Variants in PKHD1L1 observed in about 807,000 individuals in gnomAD.
PKHD1L1 encodes PKHD1 like 1, also known as fibrocystin-L.
A neutral mutation model predicts 462.9 loss-of-function variants in PKHD1L1; 434 were observed. The ratio of observed to expected loss-of-function variants is 0.94; its 90% CI spans 0.87 to 1.02. The LOEUF (loss-of-function observed/expected upper bound fraction) is 1.02. Ranked by LOEUF, PKHD1L1 falls within the 50% of genes least tolerant of loss-of-function variation. The pLI, the probability that PKHD1L1 is intolerant of heterozygous loss-of-function variation, is 0.00. For synonymous variants in PKHD1L1, 1,781 were observed against 1,750.0 expected (o/e 1.02, Z -0.44); for missense variants, 5,202 against 5,096.1 (o/e 1.02, Z -0.63).
intron 27 of PKHD1L1, among the ~76,000 whole-genome samples, chr8:109,430,609 A>G (rs1488848001): frequency 6.6e-6 from 1 of 152,190 alleles, no homozygotes; most frequent in East Asian, 1.9e-4. Flanking sequence ...TGTCTGAGCA[A>G]CTAAGGACTG....
At chr8:109,438,501 A>G in intron 31 of PKHD1L1, 45 bp downstream of exon 31, 1 of 1,478,846 alleles carries the variant, frequency 6.8e-7, no homozygotes, top group Non-Finnish European at 9.0e-7. Context: ...CTATGTATAA[A>G]AAACATTTCT....
At position 109,470,180 on chromosome 8, in the gene PKHD1L1, A is replaced by G. The variant is rs113680045; in HGVS notation, c.8605+3411A>G. 366 of 734,604 alleles carry G rather than the reference A, an allele frequency of 5.0e-4. 2 individuals carry two copies. The highest frequency in any genetic ancestry group is 7.0e-4 in the Non-Finnish European group (312 of 442,674). 45.5% of individuals were successfully genotyped at this position (734,604 alleles called of 1,614,324 possible). A position where few individuals can be genotyped will look rare whatever the true frequency, so the allele number is the denominator to read the frequency against. The stretch of plus-strand genomic sequence containing the variant: ...AAATATTTGGATGAAGATTGGGAAA[A>G]GTATCTGGAGGATCCTGCTTTTGAT... On this transcript the variant is annotated intron_variant, in intron 50 of 77. Coordinates refer to ENST00000378402, the MANE Select transcript of PKHD1L1 (RefSeq NM_177531.6).
At chr8:109,491,833 T>A in intron 61 of PKHD1L1, 40 bp from the exon 62 acceptor site, 1 of 1,516,836 alleles carries the variant, frequency 6.6e-7, no homozygotes, top group Non-Finnish European at 9.0e-7. Context: ...TGACTTATGT[T>A]TTTTGGGGAT....
In PKHD1L1 at chr8:109,445,448, A is replaced by G; in HGVS notation, c.5579A>G (p.Asn1860Ser). ...VITGNGFYPGNTTVTIGDEPC... is the reference protein window; with the variant it reads ...VITGNGFYPGSTTVTIGDEPC... ...ACAGGAAATGGCTTCTATCCAGGCAACACTACAGTCACTATTGGGGATGAA... is the reference window on the plus strand; with the variant it reads ...ACAGGAAATGGCTTCTATCCAGGCAGCACTACAGTCACTATTGGGGATGAA... The change falls in exon 38 of 78, where the codon AAC becomes AGC. Residue 1860 changes from asparagine to serine, a missense_variant. By Grantham distance (46) the Asn-to-Ser change is conservative. This residue lies in a region of PKHD1L1 where 4,497 missense variants were observed against 4,336.8 expected (regional missense o/e 1.04). Transcript: ENST00000378402. The G allele has an allele frequency of 1.9e-6, 3 of 1,613,992 alleles. No homozygotes were observed. The highest frequency in any genetic ancestry group is 1.1e-5 in the South Asian group (1 of 91,084).
Position 109,381,486 on chromosome 8 carries a change from C to A in PKHD1L1, c.280C>A (p.His94Asn). ...ITCDVEKDAS[H>N]STQITCYTRA... Reference sequence around the variant, plus strand: ...TTGTGATGTAGAAAAAGATGCAAGTCATTCAACTCAAATTACATGCTATAC... The same window carrying A: ...TTGTGATGTAGAAAAAGATGCAAGTAATTCAACTCAAATTACATGCTATAC... Residue 94 changes from histidine to asparagine, a missense_variant, in exon 3 of 78, where the codon CAT becomes AAT. His to Asn is a moderately conservative substitution (Grantham distance 68). This residue lies in a region of PKHD1L1 where 4,497 missense variants were observed against 4,336.8 expected (regional missense o/e 1.04). Coordinates refer to ENST00000378402, the MANE Select transcript of PKHD1L1 (RefSeq NM_177531.6). 6.3e-7 allele frequency: 1 copy of A among 1,580,096 alleles called. No individual in the cohort carries two copies. The highest frequency in any genetic ancestry group is 1.1e-5 in the South Asian group (1 of 86,988).
chr8:109,434,741 T>C (rs1362591375), intron 28 of PKHD1L1, among the ~76,000 whole-genome samples: 1 of 152,216 alleles, frequency 6.6e-6, no homozygotes, highest in Non-Finnish European at 1.5e-5. Flanking sequence ...AGTGCCGGGA[T>C]TACAGGCGTG....
chr8:109,456,405 T>G lies in PKHD1L1; in HGVS notation c.7004+14T>G. The G allele has an allele frequency of 6.3e-7, 1 of 1,590,124 alleles. No homozygotes were observed. The highest frequency in any genetic ancestry group is 8.6e-7 in the Non-Finnish European group (1 of 1,168,304). ...CACAGGACACAGGTATGATATCTTC[T>G]GGGCTTAATGATGTGTATTTAGAAA... On this transcript the variant is annotated intron_variant, in intron 46 of 77. Coordinates refer to ENST00000378402, the MANE Select transcript of PKHD1L1 (RefSeq NM_177531.6).
chr8:109,448,439 A>C, intron 39 of PKHD1L1, 48 bp downstream of exon 39: 14 of 1,508,018 alleles, frequency 9.3e-6, no homozygotes, highest in Non-Finnish European at 1.2e-5. Context: ...TTCAGTAAAC[A>C]CTTATTTAGA....
chr8:109,434,893 TA>T lies in PKHD1L1; in HGVS notation c.3341-290del, dbSNP rs560806003. The stretch of plus-strand genomic sequence containing the variant: ...TGAGCTTATAAACTAGTTTTTTTTT[TA>T]AAAAAATTATGACAATAGTCTGTTT... On this transcript the variant is annotated intron_variant, in intron 28 of 77. Coordinates refer to ENST00000378402, the MANE Select transcript of PKHD1L1 (RefSeq NM_177531.6). Among the ~76,000 whole-genome samples the T allele has an allele frequency of 7.1e-4, 104 of 146,834 alleles. 1 individual carries two copies. Among genetic ancestry groups the T allele is most frequent in the African/African-American group, 2.6e-3 (96 of 36,762 alleles).
Position 109,400,115 on chromosome 8 carries a change from G to A in PKHD1L1, c.1052G>A (p.Arg351His), listed in dbSNP as rs200182716. ...GLKLEVWNNS[R>H]PIRLEEILEY... is the part of the protein sequence containing the mutation. ...AAGCTTGAGGTGTGGAATAATAGCC[G>A]TCCAATACGTTTGGAAGAGATACTG... The change falls in exon 13 of 78, where the codon CGT (arginine) becomes CAT (histidine). Residue 351 changes from arginine to histidine, a missense_variant. This residue lies in a region of PKHD1L1 where 4,497 missense variants were observed against 4,336.8 expected (regional missense o/e 1.04). Transcript: ENST00000378402. The A allele has an allele frequency of 7.3e-5, 117 of 1,613,422 alleles. No homozygotes were observed. Among genetic ancestry groups the A allele is most frequent in the Admixed American group, 5.8e-4 (35 of 59,970 alleles).
chr8:109,449,904 C>T (rs1213573417), intron 40 of PKHD1L1, among the ~76,000 whole-genome samples: 1 of 152,150 alleles, frequency 6.6e-6, no homozygotes, highest in Non-Finnish European at 1.5e-5. Context: ...CCTCTCTATG[C>T]CTCAGTTTTT....
At chr8:109,453,896 G>A (rs1021295547) in intron 43 of PKHD1L1, among the ~76,000 whole-genome samples, 5 of 152,092 alleles carry the variant, frequency 3.3e-5, no homozygotes, top group African/African-American at 2.4e-5. Flanking sequence ...TCTAAAATAA[G>A]CTACTTTCCC....
intron 21 of PKHD1L1, among the ~76,000 whole-genome samples, chr8:109,415,871 G>A (rs1211308053): frequency 2.7e-5 from 4 of 145,624 alleles, no homozygotes; most frequent in South Asian, 2.2e-4. Flanking sequence ...AGGGGTGTGT[G>A]TGTGTGTGTG....
intron 21 of PKHD1L1, 150 bp from the exon 22 acceptor site, chr8:109,418,947 T>TA (rs1814319206): frequency 3.6e-6 from 2 of 552,350 alleles, no homozygotes; most frequent in Non-Finnish European, 6.2e-6. Flanking sequence ...TGTGCCTTGT[T>TA]ACGGCTGCTT....
In PKHD1L1 at chr8:109,456,446, G is replaced by A. The variant is rs537110430; in HGVS notation, c.7004+55G>A. ...TATTTAGAAAAGAAATTTTTATACT[G>A]TATAAAGAGGGACAATTCAGATGGT... On this transcript the variant is annotated intron_variant, in intron 46 of 77. Transcript: ENST00000378402. 199 of 1,463,626 alleles carry A rather than the reference G, an allele frequency of 1.4e-4. No individual in the cohort carries two copies. In the South Asian group the frequency reaches 2.7e-3, roughly 19 times the overall value. 90.7% of individuals were successfully genotyped at this position (1,463,626 alleles called of 1,614,324 possible). A position where few individuals can be genotyped will look rare whatever the true frequency, so the allele number is the denominator to read the frequency against.
chr8:109,523,579 TTAAAA>T (rs1415531481), intron 76 of PKHD1L1, among the ~76,000 whole-genome samples, 193 bp downstream of exon 76: 5 of 152,132 alleles, frequency 3.3e-5, no homozygotes, highest in African/African-American at 1.2e-4. Flanking sequence ...TAAATAGAAA[TTAAAA>T]TAAAAAATTA....
intron 52 of PKHD1L1, 140 bp from the exon 53 acceptor site, chr8:109,477,085 T>C (rs1378620318): frequency 2.8e-6 from 2 of 706,778 alleles, no homozygotes; most frequent in African/African-American, 3.6e-5. Context: ...ATTATCAGAA[T>C]TTCTCCATAC....
intron 28 of PKHD1L1, among the ~76,000 whole-genome samples, chr8:109,433,767 A>T (rs1338326434): frequency 6.6e-6 from 1 of 152,232 alleles, no homozygotes; most frequent in African/African-American, 2.4e-5. Context: ...ACTTAAATCA[A>T]TTGAAATTAC....
intron 55 of PKHD1L1, chr8:109,480,435 T>G (rs1818219786): frequency 2.4e-6 from 1 of 415,374 alleles, no homozygotes. Flanking sequence ...AACAGCTTGT[T>G]CCAACAAAGA....
Sources: gnomAD v4.1 joint callset for allele counts (sites outside exome capture counted in the v4.1 genomes callset) on GRCh38, gnomAD v4.1.1 for gene constraint, gnomAD v4.1.1 regional missense constraint, MANE v1.5 for transcripts, NCBI Gene and HGNC (gene_info 2026-07-23, HGNC 2026-07-21) for gene names.